The following GABPB2 variants were observed in gnomAD, a reference collection of about 807,000 sequenced individuals.
The protein encoded by GABPB2 is GA binding protein transcription factor subunit beta 2.
A neutral mutation model predicts 39.1 loss-of-function variants in GABPB2; 23 were observed. The observed-to-expected ratio is 0.59, with a 90% CI of 0.42 to 0.83. The LOEUF is 0.83. GABPB2 is among the 40% of genes least tolerant of loss of function. The pLI, the probability that GABPB2 is intolerant of heterozygous loss-of-function variation, is 0.00. For missense variants in GABPB2, 467 were observed against 541.1 expected (o/e 0.86, Z 1.36); for synonymous variants, 184 against 199.3 (o/e 0.92, Z 0.65).
chr1:151,092,100 A>AT lies in GABPB2; in HGVS notation c.277-1067dup, dbSNP rs34298127. ...GTTACTGTGCCTAGCCAGTTTTCTA[A>AT]TTTTTTTTTTTTTTTTTTTTTTTTT... On this transcript the variant is annotated intron_variant, in intron 3 of 8. Transcript: ENST00000368918. Among the ~76,000 whole-genome samples, 334 of 58,070 alleles carry AT rather than the reference A, an allele frequency of 5.8e-3. 3 individuals carry two copies. Among genetic ancestry groups the AT allele is most frequent in the African/African-American group, 0.011 (174 of 15,512 alleles). 38.1% of individuals were successfully genotyped at this position (58,070 alleles called of 152,430 possible). A position where few individuals can be genotyped will look rare whatever the true frequency, so the allele number is the denominator to read the frequency against.
chr1:151,088,172 T>C lies in GABPB2; in HGVS notation c.1-18T>C. The C allele has an allele frequency of 2.5e-6, 4 of 1,593,482 alleles. No individual in the cohort carries two copies. Among genetic ancestry groups the C allele is most frequent in the Non-Finnish European group, 3.4e-6 (4 of 1,161,610 alleles). Reference sequence around the variant, plus strand: ...TCGAGTTATAGCTACCTGAAAACTTTTGTTCCTATGCATAAAGATGTCTTT... The same window carrying C: ...TCGAGTTATAGCTACCTGAAAACTTCTGTTCCTATGCATAAAGATGTCTTT... On this transcript the variant is annotated intron_variant, in intron 1 of 8. Transcript: ENST00000368918.
Position 151,108,614 on chromosome 1 carries a change from G to A in GABPB2, c.922+1392G>A, listed in dbSNP as rs587752341. Among the ~76,000 whole-genome samples the A allele has an allele frequency of 2.8e-4, 42 of 152,090 alleles. 2 individuals are homozygous for A. The South Asian group carries it at 7.5e-3, about 27-fold the overall frequency. ...CCTCCTGGGCTCAAGCTATCCTCCC[G>A]CCTCAGCCACCTGAGAAGCTGGGGC... is the stretch of plus-strand genomic sequence containing the variant. On this transcript the variant is annotated intron_variant, in intron 7 of 8. Coordinates refer to ENST00000368918, the MANE Select transcript of GABPB2 (RefSeq NM_144618.3).
chr1:151,078,624 C>T (rs901726384), intron 1 of GABPB2, among the ~76,000 whole-genome samples: 1 of 151,826 alleles, frequency 6.6e-6, no homozygotes, highest in African/African-American at 2.4e-5. Flanking sequence ...ATTCATTTTA[C>T]TTTTTCTTTT....
chr1:151,094,350 T>A (rs1678944292), intron 4 of GABPB2, among the ~76,000 whole-genome samples: 3 of 147,886 alleles, frequency 2.0e-5, no homozygotes, highest in South Asian at 4.3e-4. Context: ...CTGTGCCGGC[T>A]GTGTCCCATT....
intron 1 of GABPB2, among the ~76,000 whole-genome samples, chr1:151,078,958 C>T (rs899072511): frequency 2.0e-5 from 3 of 151,934 alleles, no homozygotes; most frequent in Non-Finnish European, 2.9e-5. Flanking sequence ...AGTCGTGAGC[C>T]ACTGTGCCTG....
intron 4 of GABPB2, among the ~76,000 whole-genome samples, chr1:151,096,741 AT>A (rs923603721): frequency 2.6e-5 from 4 of 152,114 alleles, no homozygotes; most frequent in African/African-American, 9.7e-5. Flanking sequence ...TCTCTCAGGA[AT>A]TTTTTCAATG....
chr1:151,079,409 G>T (rs1393068318), intron 1 of GABPB2, among the ~76,000 whole-genome samples: 1 of 152,042 alleles, frequency 6.6e-6, no homozygotes, highest in Non-Finnish European at 1.5e-5. Context: ...AGGCGTGGTA[G>T]TAGGTGCCTG....
intron 2 of GABPB2, chr1:151,088,500 A>G: frequency 7.9e-7 from 1 of 1,272,076 alleles, no homozygotes; most frequent in Non-Finnish European, 1.1e-6. Flanking sequence ...CTGTGGATAT[A>G]TAGGTGATAA....
rs61358666 is a variant in GABPB2 at position 151,118,803 on chromosome 1, CTT to C, written c.*563_*564del. On this transcript the variant is annotated 3_prime_UTR_variant, in exon 9 of 9. Transcript: ENST00000368918. ...TTAATTTCACTGAAGAGAATTTTCC[CTT>C]TTTTTTTTTTTTTTTGAGACACGGT... The C allele has an allele frequency of 3.9e-4, 55 of 142,396 alleles. No homozygotes were observed. Among genetic ancestry groups the C allele is most frequent in the Admixed American group, 3.5e-4 (5 of 14,212 alleles). 8.8% of individuals were successfully genotyped at this position (142,396 alleles called of 1,614,324 possible).
intron 1 of GABPB2, among the ~76,000 whole-genome samples, chr1:151,075,686 G>C (rs1451686393): frequency 6.6e-6 from 1 of 151,210 alleles, no homozygotes; most frequent in Admixed American, 6.6e-5. Flanking sequence ...TCCAGCCTAG[G>C]CAACAGAGCG....
At chr1:151,107,367 G>T in intron 7 of GABPB2, 145 bp downstream of exon 7, 6 of 423,744 alleles carry the variant, frequency 1.4e-5, no homozygotes, top group African/African-American at 2.1e-5. Context: ...AAAAGAAAAA[G>T]AAACGGAACC....
rs1681278896 is a variant in GABPB2 at position 151,123,987 on chromosome 1, A to G, written c.*5731A>G. The G allele has an allele frequency of 6.7e-6, 1 of 149,050 alleles. No homozygotes were observed. The highest frequency in any genetic ancestry group is 2.5e-5 in the African/African-American group (1 of 40,402). 9.2% of individuals were successfully genotyped at this position (149,050 alleles called of 1,614,324 possible). ...CTTGAGGCCAGGCCAGCGTGGTGAA[A>G]CTCAGTCTCTACTAAAAATACAAAA... On this transcript the variant is annotated 3_prime_UTR_variant, in exon 9 of 9. Coordinates refer to ENST00000368918, the MANE Select transcript of GABPB2 (RefSeq NM_144618.3).
intron 2 of GABPB2, among the ~76,000 whole-genome samples, chr1:151,089,295 C>T (rs1256775967): frequency 6.6e-6 from 1 of 152,014 alleles, no homozygotes; most frequent in Non-Finnish European, 1.5e-5. Context: ...TATAAATAGA[C>T]CTGGAAAGAA....
intron 1 of GABPB2, among the ~76,000 whole-genome samples, 199 bp from the exon 2 acceptor site, chr1:151,087,991 A>G (rs1433281498): frequency 6.6e-6 from 1 of 152,188 alleles, no homozygotes; most frequent in Non-Finnish European, 1.5e-5. Context: ...TGATAGAACT[A>G]TGTATTAGGG....
chr1:151,102,948 G>T (rs1278801651), intron 5 of GABPB2, among the ~76,000 whole-genome samples: 6 of 151,844 alleles, frequency 4.0e-5, no homozygotes, highest in Admixed American at 6.6e-5. Flanking sequence ...TAGGGAGTGG[G>T]TAGCACTCTT....
intron 1 of GABPB2, among the ~76,000 whole-genome samples, chr1:151,086,651 C>A (rs980264106): frequency 6.8e-6 from 1 of 146,452 alleles, no homozygotes; most frequent in Non-Finnish European, 1.5e-5. Context: ...AGTGTTTAAT[C>A]AGTGAAAGCT....
At position 151,121,207 on chromosome 1, in the gene GABPB2, C is replaced by T. The variant is rs945265779; in HGVS notation, c.*2951C>T. The T allele has an allele frequency of 5.9e-5, 9 of 152,204 alleles. No individual in the cohort carries two copies. The highest frequency in any genetic ancestry group is 2.1e-4 in the South Asian group (1 of 4,820). The allele number at this position is 152,204 out of a possible 1,614,324, so 9.4% of individuals were successfully genotyped here. A position where few individuals can be genotyped will look rare whatever the true frequency, so the allele number is the denominator to read the frequency against. The stretch of plus-strand genomic sequence containing the variant: ...TGATGATGTTGTTTAGTTTTATTTC[C>T]TTTTGATCTGGCATGAGTAAATTGC... On this transcript the variant is annotated 3_prime_UTR_variant, in exon 9 of 9. Transcript: ENST00000368918.
chr1:151,083,364 G>A (rs899376161), intron 1 of GABPB2, among the ~76,000 whole-genome samples: 1 of 152,208 alleles, frequency 6.6e-6, no homozygotes. Flanking sequence ...GGGCGCGGTG[G>A]CTCACGCCTG....
At chr1:151,080,012 C>T (rs917269283) in intron 1 of GABPB2, among the ~76,000 whole-genome samples, 5 of 151,438 alleles carry the variant, frequency 3.3e-5, no homozygotes, top group Non-Finnish European at 5.9e-5. Context: ...GTCAGGAGTT[C>T]AAGACCAGCC....
Sources: gnomAD v4.1 joint callset for allele counts (sites outside exome capture counted in the v4.1 genomes callset) on GRCh38, gnomAD v4.1.1 for gene constraint, MANE v1.5 for transcripts, NCBI Gene and HGNC (gene_info 2026-07-23, HGNC 2026-07-21) for gene names.